The following SRPRB variants were observed in gnomAD, a reference collection of about 807,000 sequenced individuals.
The protein encoded by SRPRB is SRP receptor subunit beta, also known as signal recognition particle receptor subunit beta.
A neutral mutation model predicts 31.9 loss-of-function variants in SRPRB; 20 were observed. That is an observed-to-expected ratio of 0.63 (90% CI 0.44 to 0.91). The LOEUF (loss-of-function observed/expected upper bound fraction) is 0.91. SRPRB is among the 40% of genes least tolerant of loss of function. SRPRB has a pLI of 0.00. For synonymous variants in SRPRB, 146 were observed against 132.8 expected (o/e 1.10, Z -0.68); for missense variants, 321 against 324.9 (o/e 0.99, Z 0.09).
intron 4 of SRPRB, among the ~76,000 whole-genome samples, chr3:133,815,049 C>T (rs892816751): frequency 6.6e-6 from 1 of 152,130 alleles, no homozygotes; most frequent in Non-Finnish European, 1.5e-5. Flanking sequence ...ATGTGTTTCA[C>T]GTATTTGTGG....
chr3:133,800,935 G>A (rs1349795722), upstream of SRPRB, among the ~76,000 whole-genome samples: 1 of 152,158 alleles, frequency 6.6e-6, no homozygotes, highest in Non-Finnish European at 1.5e-5. Context: ...CTTCTTATTA[G>A]TACATATGTA....
intron 1 of SRPRB, chr3:133,794,334 A>G (rs1024882223): frequency 5.3e-5 from 8 of 152,244 alleles, no homozygotes; most frequent in Non-Finnish European, 5.9e-5. Context: ...TGGGAAAACA[A>G]TCAAAGCTTC....
Position 133,819,991 on chromosome 3 carries a change from G to T in SRPRB, c.*225G>T. 1 of 510,956 alleles carries T rather than the reference G, an allele frequency of 2.0e-6. No homozygotes were observed. Among genetic ancestry groups the T allele is most frequent in the Admixed American group, 3.3e-5 (1 of 30,088 alleles). The allele number at this position is 510,956 out of a possible 1,614,324, so 31.7% of individuals were successfully genotyped here. A position where few individuals can be genotyped will look rare whatever the true frequency, so the allele number is the denominator to read the frequency against. ...TTCAAACAAGTACCTTTTATCTGATGCCTGTATCTTCCCTTTGTTAAGGTG... is the reference window on the plus strand; with the variant it reads ...TTCAAACAAGTACCTTTTATCTGATTCCTGTATCTTCCCTTTGTTAAGGTG... On this transcript the variant is annotated 3_prime_UTR_variant, in exon 7 of 7. Transcript: ENST00000678299.
chr3:133,824,513 A>G (rs936149154), downstream of SRPRB: 1 of 152,236 alleles, frequency 6.6e-6, no homozygotes, highest in African/African-American at 2.4e-5. Context: ...CCCTGCTGCA[A>G]GGATTTCCTG....
intron 1 of SRPRB, among the ~76,000 whole-genome samples, chr3:133,797,227 C>T (rs1462756669): frequency 2.0e-5 from 3 of 152,164 alleles, no homozygotes; most frequent in Non-Finnish European, 4.4e-5. Context: ...ATTGAGTACA[C>T]TTTGTGTTAA....
chr3:133,826,078 G>C (rs890649450), downstream of SRPRB: 1 of 152,290 alleles, frequency 6.6e-6, no homozygotes, highest in Non-Finnish European at 1.5e-5. Context: ...TTCTGAAAAA[G>C]AGGTCTGGCT....
intron 1 of SRPRB, among the ~76,000 whole-genome samples, chr3:133,796,984 T>C (rs1934986573): frequency 6.6e-6 from 1 of 152,242 alleles, no homozygotes; most frequent in Non-Finnish European, 1.5e-5. Flanking sequence ...CACAATTGAC[T>C]GTTGTCCCTT....
At chr3:133,804,543 C>G (rs922997359), upstream of SRPRB, among the ~76,000 whole-genome samples, 9 of 152,088 alleles carry the variant, frequency 5.9e-5, no homozygotes, top group Non-Finnish European at 1.2e-4. Context: ...GGCATCAGTA[C>G]TAGGTTGGAC....
At position 133,820,464 on chromosome 3, in the gene SRPRB, G is replaced by A. The variant is rs1246444632; in HGVS notation, c.*698G>A. 6.6e-6 allele frequency: 1 copy of A among 152,442 alleles called. No individual in the cohort carries two copies. The highest frequency in any genetic ancestry group is 1.5e-5 in the Non-Finnish European group (1 of 68,236). 9.4% of individuals were successfully genotyped at this position (152,442 alleles called of 1,614,324 possible). A position where few individuals can be genotyped will look rare whatever the true frequency, so the allele number is the denominator to read the frequency against. ...ATGCCAAGGGTCTAGTGTGTTCTTA[G>A]TGGTTATACTGGGAAGTGTGTGGAG... On this transcript the variant is annotated 3_prime_UTR_variant, in exon 7 of 7. Transcript: ENST00000678299.
intron 4 of SRPRB, among the ~76,000 whole-genome samples, chr3:133,814,410 C>T (rs900578143): frequency 7.9e-5 from 12 of 151,766 alleles, no homozygotes; most frequent in African/African-American, 2.4e-4. Flanking sequence ...GGATTACAGG[C>T]GTGAGCCACC....
downstream of SRPRB, chr3:133,827,747 C>CCCCCCCCG (rs1935590322): frequency 7.0e-5 from 1 of 14,370 alleles, no homozygotes; most frequent in Non-Finnish European, 1.7e-4. Context: ...GCAGACAACA[C>CCCCCCCCG]CCCCCCCCCC....
chr3:133,821,200 G>C lies in SRPRB; in HGVS notation c.*1434G>C, dbSNP rs1935468679. The C allele has an allele frequency of 6.6e-6, 1 of 152,190 alleles. No individual in the cohort carries two copies. Among genetic ancestry groups the C allele is most frequent in the Non-Finnish European group, 1.5e-5 (1 of 68,038 alleles). The allele number at this position is 152,190 out of a possible 1,614,324, so 9.4% of individuals were successfully genotyped here. A position where few individuals can be genotyped will look rare whatever the true frequency, so the allele number is the denominator to read the frequency against. On this transcript the variant is annotated 3_prime_UTR_variant, in exon 7 of 7. Transcript: ENST00000678299. ...ATACGTCACCTCAGACCATCTGGCA[G>C]AAATACTCCAGGCTCCTACCCCAAA... is the stretch of plus-strand genomic sequence containing the variant.
Position 133,807,782 on chromosome 3 carries a change from A to G in SRPRB, c.286A>G (p.Ile96Val), listed in dbSNP as rs780959461. Residue 96 changes from isoleucine (I) to valine (V), a missense_variant, in exon 3 of 7, where the codon ATT becomes GTT. Transcript: ENST00000678299. ...TGLYRDTQTSITDSCAVYRVN... is the reference protein window; with the variant it reads ...TGLYRDTQTSVTDSCAVYRVN... ...CCTTTATAGAGACACTCAGACGTCCATTACTGACAGCTGTGCTGTATACAG... is the reference window on the plus strand; with the variant it reads ...CCTTTATAGAGACACTCAGACGTCCGTTACTGACAGCTGTGCTGTATACAG... 6.2e-7 allele frequency: 1 copy of G among 1,613,084 alleles called. No homozygotes were observed. Among genetic ancestry groups the G allele is most frequent in the African/African-American group, 1.3e-5 (1 of 74,998 alleles).
At chr3:133,823,340 A>G (rs1935505158), downstream of SRPRB, among the ~76,000 whole-genome samples, 1 of 152,128 alleles carries the variant, frequency 6.6e-6, no homozygotes, top group South Asian at 2.1e-4. Flanking sequence ...GCTCACTGCA[A>G]CCTCTGCCTC....
intron 1 of SRPRB, chr3:133,792,237 C>T (rs1173127319): frequency 6.6e-6 from 1 of 152,060 alleles, no homozygotes; most frequent in African/African-American, 2.4e-5. Flanking sequence ...GATCTTATAT[C>T]GTAAATTCGT....
downstream of SRPRB, among the ~76,000 whole-genome samples, chr3:133,823,570 A>G (rs1935508931): frequency 6.6e-6 from 1 of 152,198 alleles, no homozygotes; most frequent in African/African-American, 2.4e-5. Flanking sequence ...CTTTAAAAGG[A>G]AAGGTAATTA....
intron 1 of SRPRB, among the ~76,000 whole-genome samples, chr3:133,799,014 A>G (rs1935021466): frequency 6.6e-6 from 1 of 152,178 alleles, no homozygotes; most frequent in Admixed American, 6.5e-5. Flanking sequence ...AAGAAATAGA[A>G]TGCATGAGAA....
At chr3:133,817,048 A>T (rs1244078378) in intron 6 of SRPRB, 116 bp downstream of exon 6, 1 of 700,216 alleles carries the variant, frequency 1.4e-6, no homozygotes, top group Admixed American at 3.1e-5. Flanking sequence ...TAGACTGAAG[A>T]TTAGTGTGAT....
chr3:133,788,080 C>G (rs919789510), intron 1 of SRPRB: 2 of 152,170 alleles, frequency 1.3e-5, no homozygotes, highest in Admixed American at 1.3e-4. Flanking sequence ...GTAGTTTATT[C>G]AACCCTACTG....
Sources: gnomAD v4.1 joint callset for allele counts (sites outside exome capture counted in the v4.1 genomes callset) on GRCh38, gnomAD v4.1.1 for gene constraint, MANE v1.5 for transcripts, NCBI Gene and HGNC (gene_info 2026-07-23, HGNC 2026-07-21) for gene names.